The following ACYP2 variants were observed in gnomAD, a reference collection of about 807,000 sequenced individuals.
The protein encoded by ACYP2 is acylphosphatase-2.
Under a neutral mutation model 11.2 loss-of-function variants are expected in ACYP2, and 12 were observed. The ratio of observed to expected loss-of-function variants is 1.08; its 90% CI spans 0.69 to 1.74. The LOEUF is 1.74. Ranked by LOEUF, ACYP2 falls within the 40% of genes most tolerant of loss-of-function variation. The pLI, the probability that ACYP2 is intolerant of heterozygous loss-of-function variation, is 0.00. For missense variants in ACYP2, 134 were observed against 101.9 expected (o/e 1.31, Z -1.35); for synonymous variants, 43 against 32.2 (o/e 1.33, Z -1.13).
chr2:54,207,171 A>ATGTGTGTGTGTGTGTGTGTGTGTG (rs1462290345), intron 6 of ACYP2, among the ~76,000 whole-genome samples: 2 of 68,466 alleles, frequency 2.9e-5, no homozygotes, highest in Admixed American at 1.2e-4. Flanking sequence ...TACAACATGT[A>ATGTGTGTGTGTGTGTGTGTGTGTG]TATGTGTGTG....
At chr2:53,983,271 C>G (rs1255705485) in intron 2 of ACYP2, among the ~76,000 whole-genome samples, 3 of 152,066 alleles carry the variant, frequency 2.0e-5, no homozygotes, top group Admixed American at 6.6e-5. Context: ...TTTGGTAGAC[C>G]AAGGTAGGAG....
intron 4 of ACYP2, among the ~76,000 whole-genome samples, chr2:54,135,219 A>C (rs1681152143): frequency 6.6e-6 from 1 of 152,240 alleles, no homozygotes; most frequent in Non-Finnish European, 1.5e-5. Flanking sequence ...GTGGGACAGC[A>C]TGAGATTTCA....
chr2:54,248,048 C>T, intron 6 of ACYP2, among the ~76,000 whole-genome samples: 1 of 152,256 alleles, frequency 6.6e-6, no homozygotes, highest in Middle Eastern at 3.4e-3. Flanking sequence ...GTAATAAAGC[C>T]TGTTGTTTTT....
At chr2:54,004,047 G>A (rs185854135) in intron 2 of ACYP2, among the ~76,000 whole-genome samples, 33 of 151,988 alleles carry the variant, frequency 2.2e-4, no homozygotes, top group Non-Finnish European at 3.8e-4. Context: ...GCAATGGCGC[G>A]ATCTCAGCTT....
chr2:54,091,931 G>C (rs1678255877), intron 4 of ACYP2, among the ~76,000 whole-genome samples: 1 of 152,140 alleles, frequency 6.6e-6, no homozygotes, highest in African/African-American at 2.4e-5. Flanking sequence ...ACTGGAGAAA[G>C]AAAGTGTTTG....
intron 2 of ACYP2, among the ~76,000 whole-genome samples, chr2:53,990,012 C>T (rs1672212487): frequency 6.9e-6 from 1 of 145,546 alleles, no homozygotes; most frequent in East Asian, 2.0e-4. Context: ...TGGAGTCTTG[C>T]TCTGTTGCCC....
At chr2:54,184,851 T>C (rs989119473) in intron 6 of ACYP2, among the ~76,000 whole-genome samples, 43 of 150,432 alleles carry the variant, frequency 2.9e-4, no homozygotes, top group Non-Finnish European at 5.2e-4. Flanking sequence ...AGCAATTTTT[T>C]TTTTTTTTTT....
At chr2:54,175,064 C>T (rs1683383052) in intron 6 of ACYP2, among the ~76,000 whole-genome samples, 1 of 152,164 alleles carries the variant, frequency 6.6e-6, no homozygotes, top group African/African-American at 2.4e-5. Context: ...AGGGAGGATT[C>T]CCTCTTTTTC....
chr2:54,190,810 C>A (rs942194705), intron 6 of ACYP2, among the ~76,000 whole-genome samples: 4 of 152,122 alleles, frequency 2.6e-5, no homozygotes, highest in Non-Finnish European at 5.9e-5. Context: ...GTCTAACAGG[C>A]ATATTAAACT....
intron 6 of ACYP2, among the ~76,000 whole-genome samples, chr2:54,271,769 C>G (rs1287071277): frequency 6.6e-6 from 1 of 152,034 alleles, no homozygotes; most frequent in Non-Finnish European, 1.5e-5. Context: ...GGGATTTCTT[C>G]TCTTTTTGTT....
rs139074992 is a variant in ACYP2, at chr2:54,294,461, A to C, written c.405-10227A>C. 1.9e-3 allele frequency among the ~76,000 whole-genome samples: 288 copies of C among 152,208 alleles called. 1 individual carries two copies. Among genetic ancestry groups the C allele is most frequent in the African/African-American group, 6.6e-3 (276 of 41,532 alleles). ...ATGCTTGCAGTACAACTGGAGAAGC[A>C]AGAGGGCTCGGTGGGATGGTATCTG... On this transcript the variant is annotated intron_variant, in intron 6 of 6. Coordinates refer to ENST00000607452, the MANE Select transcript of ACYP2 (RefSeq NM_001320586.2).
intron 2 of ACYP2, among the ~76,000 whole-genome samples, chr2:54,045,426 A>G (rs1016791716): frequency 1.2e-4 from 19 of 152,198 alleles, no homozygotes; most frequent in African/African-American, 4.6e-4. Context: ...TGTTGGTCTT[A>G]TAACAGTGTT....
intron 2 of ACYP2, among the ~76,000 whole-genome samples, chr2:53,990,795 TG>T (rs1672252838): frequency 6.6e-6 from 1 of 151,934 alleles, no homozygotes; most frequent in South Asian, 2.1e-4. Context: ...GTTTTTTTTT[TG>T]TTTTGTTTTT....
intron 6 of ACYP2, among the ~76,000 whole-genome samples, chr2:54,242,665 CCTACA>C (rs1220843828): frequency 1.3e-5 from 2 of 152,184 alleles, no homozygotes; most frequent in African/African-American, 4.8e-5. Context: ...GTTACAGTTG[CCTACA>C]CTATTCAGTA....
chr2:54,056,504 G>A lies in ACYP2; in HGVS notation c.156-735G>A, dbSNP rs527870072. On this transcript the variant is annotated intron_variant, in intron 3 of 6. Transcript: ENST00000607452. ...TCTTTTTTAAAGATATTTTTGCTCA[G>A]AATGTGCAGTTGAATTCTAGATGGT... Among the ~76,000 whole-genome samples, 3 of 152,268 alleles carry A rather than the reference G, an allele frequency of 2.0e-5. No homozygotes were observed. The East Asian group carries it at 5.8e-4, about 29-fold the overall frequency.
chr2:54,219,803 G>GTA, intron 6 of ACYP2, among the ~76,000 whole-genome samples: 1 of 138,730 alleles, frequency 7.2e-6, no homozygotes, highest in Non-Finnish European at 1.6e-5. Context: ...GTGTGTGTGT[G>GTA]TGTGTGTTTG....
At chr2:54,067,941 T>C (rs911642349) in intron 4 of ACYP2, among the ~76,000 whole-genome samples, 2 of 152,242 alleles carry the variant, frequency 1.3e-5, no homozygotes, top group African/African-American at 4.8e-5. Context: ...TTAGCTCTGC[T>C]TGCATAACCC....
chr2:54,124,256 G>A (rs530724290), intron 4 of ACYP2, among the ~76,000 whole-genome samples: 4 of 151,502 alleles, frequency 2.6e-5, no homozygotes, highest in Non-Finnish European at 5.9e-5. Context: ...GTGCAATGGC[G>A]CGATGTGGGC....
chr2:54,053,536 C>G lies in ACYP2; in HGVS notation c.155+2486C>G, dbSNP rs141977132. Among the ~76,000 whole-genome samples the G allele has an allele frequency of 1.9e-3, 287 of 152,330 alleles. 1 individual carries two copies. The highest frequency in any genetic ancestry group is 2.9e-3 in the South Asian group (14 of 4,826). ...ACCTACAGTGGCTCTGTGACTCTCT[C>G]TGTACCAGTCCCCCTGTGTACACCC... On this transcript the variant is annotated intron_variant, in intron 3 of 6. Coordinates refer to ENST00000607452, the MANE Select transcript of ACYP2 (RefSeq NM_001320586.2).
Sources: gnomAD v4.1 joint callset for allele counts (sites outside exome capture counted in the v4.1 genomes callset) on GRCh38, gnomAD v4.1.1 for gene constraint, MANE v1.5 for transcripts, NCBI Gene and HGNC (gene_info 2026-07-23, HGNC 2026-07-21) for gene names.